ADARB2: variants seen among roughly 807,000 people sequenced by gnomAD.
The protein encoded by ADARB2 is adenosine deaminase RNA specific B2 (inactive).
In ADARB2, 25 loss-of-function variants were observed where a neutral mutation model predicts 62.2. That is an observed-to-expected ratio of 0.40 (90% CI 0.29 to 0.56). The LOEUF is 0.56. Ranked by LOEUF, ADARB2 falls within the 20% of genes least tolerant of loss-of-function variation. The pLI, the probability that ADARB2 is intolerant of heterozygous loss-of-function variation, is 0.43. For missense variants in ADARB2, 1,071 were observed against 1,077.4 expected, an observed-to-expected ratio of 0.99 and a Z score of 0.08; for synonymous variants, 572 against 500.8, an observed-to-expected ratio of 1.14 and a Z score of -1.90.
chr10:1,261,891 C>T (rs913623725), intron 4 of ADARB2, among the ~76,000 whole-genome samples: 4 of 149,252 alleles, frequency 2.7e-5, no homozygotes, highest in Admixed American at 2.6e-4. Context: ...TGGAACCAAG[C>T]CAAATGTCCA....
rs539207192 is a variant in ADARB2, at chr10:1,621,500, C to T, written c.100+115551G>A. ...GCATGATCACAGCTCACTGCAGCCT[C>T]GGCCTCCCAGGCTCGAGTGGTTCTC... On this transcript the variant is annotated intron_variant, in intron 1 of 9. Coordinates refer to ENST00000381312, the MANE Select transcript of ADARB2 (RefSeq NM_018702.4). 2.2e-3 allele frequency among the ~76,000 whole-genome samples: 327 copies of T among 151,788 alleles called. 1 individual carries two copies. Among genetic ancestry groups the T allele is most frequent in the Non-Finnish European group, 3.5e-3 (240 of 67,954 alleles).
intron 4 of ADARB2, among the ~76,000 whole-genome samples, chr10:1,256,934 C>T (rs376081190): frequency 6.6e-6 from 1 of 152,214 alleles, no homozygotes; most frequent in African/African-American, 2.4e-5. Flanking sequence ...ACAAGGTCTC[C>T]TCACTGGCAC....
At chr10:1,717,008 G>A (rs557092788) in intron 1 of ADARB2, among the ~76,000 whole-genome samples, 5 of 152,062 alleles carry the variant, frequency 3.3e-5, no homozygotes, top group African/African-American at 9.6e-5. Context: ...ACACATTCAT[G>A]TTATTCTGAT....
intron 1 of ADARB2, among the ~76,000 whole-genome samples, chr10:1,399,128 A>G (rs1339871279): frequency 1.3e-5 from 2 of 152,170 alleles, no homozygotes; most frequent in Non-Finnish European, 2.9e-5. Context: ...TCCATCTCCA[A>G]ACACAGAGGA....
chr10:1,656,912 ACAAAG>A (rs1159381615), intron 1 of ADARB2, among the ~76,000 whole-genome samples: 1 of 152,136 alleles, frequency 6.6e-6, no homozygotes, highest in African/African-American at 2.4e-5. Flanking sequence ...CCAGAAAAAA[ACAAAG>A]CAAATTCCTT....
chr10:1,664,112 G>C (rs7078890), intron 1 of ADARB2, among the ~76,000 whole-genome samples: 35,238 of 151,860 alleles, frequency 0.23, 4,168 homozygotes, highest in East Asian at 0.27. Flanking sequence ...GGGTTTGTGT[G>C]TGTCCGCGTT....
rs993535875 is a variant in ADARB2, at chr10:1,681,770, T to C, written c.100+55281A>G. On this transcript the variant is annotated intron_variant, in intron 1 of 9. Transcript: ENST00000381312. ...CACAATGGGGCCTGATAACATGCAT[T>C]TTACATGCAATCAAATACCGTCACC... 1.1e-4 allele frequency among the ~76,000 whole-genome samples: 16 copies of C among 152,312 alleles called. 1 individual carries two copies. The highest frequency in any genetic ancestry group is 7.8e-4 in the Admixed American group (12 of 15,306).
intron 3 of ADARB2, among the ~76,000 whole-genome samples, chr10:1,297,278 C>G (rs903783501): frequency 6.6e-6 from 1 of 152,154 alleles, no homozygotes; most frequent in Non-Finnish European, 1.5e-5. Flanking sequence ...AGGCGTAGCC[C>G]CCGTCAGCCG....
chr10:1,496,424 T>C (rs961815263), intron 1 of ADARB2, among the ~76,000 whole-genome samples: 5 of 151,540 alleles, frequency 3.3e-5, no homozygotes, highest in Admixed American at 6.6e-5. Flanking sequence ...ATCTTCATCA[T>C]CATTTAGTAT....
rs111594786 is a variant in ADARB2 at position 1,353,936 on chromosome 10, G to A, written c.1077+9092C>T. On this transcript the variant is annotated intron_variant, in intron 3 of 9. Coordinates refer to ENST00000381312, the MANE Select transcript of ADARB2 (RefSeq NM_018702.4). ...CCCTCTTCTTGTTTACTTATACACA[G>A]CCCCGTAAATAACAGAGGTTGCTCG... Among the ~76,000 whole-genome samples the A allele has an allele frequency of 6.4e-3, 981 of 152,108 alleles. 14 individuals carry two copies. The highest frequency in any genetic ancestry group is 0.022 in the African/African-American group (920 of 41,438).
intron 6 of ADARB2, among the ~76,000 whole-genome samples, chr10:1,225,816 G>A (rs1462305622): frequency 6.6e-6 from 1 of 151,996 alleles, no homozygotes; most frequent in Non-Finnish European, 1.5e-5. Context: ...TGGGTAACCC[G>A]ACCTTTCTCT....
intron 1 of ADARB2, among the ~76,000 whole-genome samples, chr10:1,640,165 A>G (rs977587753): frequency 2.0e-5 from 3 of 152,186 alleles, no homozygotes; most frequent in Non-Finnish European, 2.9e-5. Flanking sequence ...AATTTACTCC[A>G]TCCTTAGCCA....
At chr10:1,540,074 A>C (rs1832395887) in intron 1 of ADARB2, among the ~76,000 whole-genome samples, 1 of 152,220 alleles carries the variant, frequency 6.6e-6, no homozygotes, top group African/African-American at 2.4e-5. Flanking sequence ...TTTGGATTTT[A>C]TCTGAATCGT....
chr10:1,540,548 C>T (rs112354005), intron 1 of ADARB2, among the ~76,000 whole-genome samples: 3 of 86,674 alleles, frequency 3.5e-5, no homozygotes, highest in South Asian at 4.4e-4. Flanking sequence ...CCCTGGATCA[C>T]AGCCGTCCAG....
intron 1 of ADARB2, among the ~76,000 whole-genome samples, chr10:1,632,946 C>T (rs1443870059): frequency 6.6e-6 from 1 of 152,188 alleles, no homozygotes; most frequent in African/African-American, 2.4e-5. Flanking sequence ...AAGCTCTGCC[C>T]TTGTCCATGT....
At chr10:1,447,446 G>C (rs939871364) in intron 1 of ADARB2, among the ~76,000 whole-genome samples, 1 of 152,200 alleles carries the variant, frequency 6.6e-6, no homozygotes, top group Admixed American at 6.5e-5. Context: ...TGGCTGTAAA[G>C]GATGTCACTG....
chr10:1,645,913 AGGGAAGGT>A (rs1392759126), intron 1 of ADARB2, among the ~76,000 whole-genome samples: 1 of 152,216 alleles, frequency 6.6e-6, no homozygotes, highest in African/African-American at 2.4e-5. Context: ...ATTCCAGCAC[AGGGAAGGT>A]GCGCTGTGAG....
At chr10:1,308,548 G>A (rs1052087408) in intron 3 of ADARB2, among the ~76,000 whole-genome samples, 5 of 152,212 alleles carry the variant, frequency 3.3e-5, no homozygotes, top group African/African-American at 1.2e-4. Context: ...TATGGTCAGA[G>A]TATGTTTAGT....
rs1831416638 is a variant in ADARB2, at chr10:1,477,437, C to T, written c.101-98277G>A. On this transcript the variant is annotated intron_variant, in intron 1 of 9. Coordinates refer to ENST00000381312, the MANE Select transcript of ADARB2 (RefSeq NM_018702.4). The surrounding 1 kb of genome is among the most constrained non-coding windows in gnomAD (Gnocchi z 4.5). ...CCTATACAGCTTCCTTCCAGCCCTGCTTCTTTGCAGACGGCCCCTTTTCTG... is the reference window on the plus strand; with the variant it reads ...CCTATACAGCTTCCTTCCAGCCCTGTTTCTTTGCAGACGGCCCCTTTTCTG... Among the ~76,000 whole-genome samples the T allele has an allele frequency of 6.6e-6, 1 of 152,160 alleles. No individual in the cohort carries two copies.
Sources: allele counts gnomAD v4.1 joint callset (sites outside exome capture counted in the v4.1 genomes callset), GRCh38; gene constraint gnomAD v4.1.1; non-coding constraint Gnocchi (gnomAD v3.1); transcripts MANE v1.5; gene names NCBI Gene and HGNC (gene_info 2026-07-23, HGNC 2026-07-21).